The following NXN variants were observed in gnomAD, a reference collection of about 807,000 sequenced individuals.
The protein encoded by NXN is nucleoredoxin.
A neutral mutation model predicts 48.6 loss-of-function variants in NXN; 16 were observed. The observed-to-expected ratio is 0.33, with a 90% confidence interval of 0.22 to 0.50. The LOEUF (loss-of-function observed/expected upper bound fraction) is 0.50. NXN is among the 20% of genes least tolerant of loss of function. The probability of loss-of-function intolerance (pLI) is 0.98; values close to 1 mark genes in which losing one functional copy is unlikely to be tolerated. For synonymous variants in NXN, 281 were observed against 269.6 expected (o/e 1.04, Z -0.41); for missense variants, 492 against 605.5 (o/e 0.81, Z 1.97).
At chr17:944,917 A>G (rs2150609958) in intron 1 of NXN, among the ~76,000 whole-genome samples, 1 of 152,202 alleles carries the variant, frequency 6.6e-6, no homozygotes, top group East Asian at 1.9e-4. Context: ...ACACCTACGA[A>G]CTGTGAAACA....
rs1913031610 is a variant in NXN at position 825,195 on chromosome 17, C to T, written c.478+766G>A. ...ATCATGCCACAGCACTCGGCCTGGG[C>T]GACAGAGGGAGATAGTGTCTCAAGA... On this transcript the variant is annotated intron_variant, in intron 2 of 7. Transcript: ENST00000336868. The surrounding 1 kb of genome is among the most constrained non-coding windows in gnomAD (Gnocchi z 4.1). Among the ~76,000 whole-genome samples, 1 of 131,610 alleles carries T rather than the reference C, an allele frequency of 7.6e-6. No individual in the cohort carries two copies. Among genetic ancestry groups the T allele is most frequent in the South Asian group, 2.4e-4 (1 of 4,166 alleles). 86.3% of individuals were successfully genotyped at this position (131,610 alleles called of 152,430 possible).
At chr17:842,978 A>C (rs888084534) in intron 1 of NXN, among the ~76,000 whole-genome samples, 1 of 111,242 alleles carries the variant, frequency 9.0e-6, no homozygotes, top group Non-Finnish European at 1.9e-5. Context: ...GAAAGAGAGA[A>C]AGAGAGAAAG....
chr17:931,021 A>G lies in NXN; in HGVS notation c.360+48298T>C, dbSNP rs552258248. 5.3e-5 allele frequency among the ~76,000 whole-genome samples: 8 copies of G among 152,244 alleles called. No homozygotes were observed. The South Asian group carries it at 6.2e-4, about 12-fold the overall frequency. On this transcript the variant is annotated intron_variant, in intron 1 of 7. Transcript: ENST00000336868. The stretch of plus-strand genomic sequence containing the variant: ...CCTGACCTCATGATCCGCCCGACTC[A>G]GCCTCCCAAAGTGCCGGGATTACAG...
At chr17:803,834 A>G in intron 6 of NXN, 28 bp from the exon 7 acceptor site, 3 of 1,613,084 alleles carry the variant, frequency 1.9e-6, no homozygotes, top group Non-Finnish European at 2.5e-6. Flanking sequence ...GTAGAAAAAG[A>G]CGGGGAGAAA....
chr17:868,915 A>C (rs1217401142), intron 1 of NXN, among the ~76,000 whole-genome samples: 3 of 152,244 alleles, frequency 2.0e-5, no homozygotes, highest in African/African-American at 7.2e-5. Context: ...CCAGATGCAC[A>C]AAAAGGAAAC....
intron 7 of NXN, among the ~76,000 whole-genome samples, chr17:801,998 C>A (rs1330332837): frequency 1.3e-5 from 2 of 152,256 alleles, no homozygotes; most frequent in Non-Finnish European, 2.9e-5. Context: ...GAGAAAGAAG[C>A]TGGCACTTTA....
At chr17:870,345 C>T (rs952595492) in intron 1 of NXN, among the ~76,000 whole-genome samples, 2 of 152,094 alleles carry the variant, frequency 1.3e-5, no homozygotes, top group Non-Finnish European at 2.9e-5. Flanking sequence ...TTGAAGGTAC[C>T]GTGGGACGTG....
At chr17:933,702 C>G (rs1302782487) in intron 1 of NXN, among the ~76,000 whole-genome samples, 1 of 152,076 alleles carries the variant, frequency 6.6e-6, no homozygotes, top group Non-Finnish European at 1.5e-5. Flanking sequence ...AGAACACATT[C>G]AAGACACCTC....
chr17:834,404 A>G (rs1913669374), intron 1 of NXN, among the ~76,000 whole-genome samples: 1 of 152,174 alleles, frequency 6.6e-6, no homozygotes, highest in Non-Finnish European at 1.5e-5. Flanking sequence ...TCTAGAGATC[A>G]TCCTGGCAAC....
At chr17:863,008 C>T (rs945950939) in intron 1 of NXN, among the ~76,000 whole-genome samples, 4 of 152,230 alleles carry the variant, frequency 2.6e-5, no homozygotes, top group African/African-American at 9.6e-5. Context: ...TAAATATAAT[C>T]TATTTTCAAA....
intron 1 of NXN, among the ~76,000 whole-genome samples, chr17:940,656 C>CAA (rs2068962168): frequency 1.3e-5 from 2 of 151,548 alleles, no homozygotes; most frequent in Non-Finnish European, 1.5e-5. Flanking sequence ...GAACTCACAT[C>CAA]ACACCTTCCT....
At chr17:827,758 C>T (rs1028582872) in intron 1 of NXN, among the ~76,000 whole-genome samples, 2 of 152,220 alleles carry the variant, frequency 1.3e-5, no homozygotes, top group African/African-American at 4.8e-5. Flanking sequence ...TTGAGGGTCC[C>T]GGCAGGAAGG....
In NXN at chr17:882,838, C is replaced by T. The variant is rs372153661; in HGVS notation, c.361-56760G>A. Among the ~76,000 whole-genome samples the T allele has an allele frequency of 9.9e-5, 15 of 152,258 alleles. No homozygotes were observed. The East Asian group carries it at 2.7e-3, about 27-fold the overall frequency. The stretch of plus-strand genomic sequence containing the variant: ...AGTGCAGTGGCGCGATCTTGGCTTG[C>T]TGCAACCTCTGTCTCCCGGGTTCAA... On this transcript the variant is annotated intron_variant, in intron 1 of 7. Coordinates refer to ENST00000336868, the MANE Select transcript of NXN (RefSeq NM_022463.5).
chr17:863,854 G>T, intron 1 of NXN: 1 of 957,588 alleles, frequency 1.0e-6, no homozygotes, highest in Non-Finnish European at 1.6e-6. Context: ...AGGATCAACT[G>T]TCCTTCAGGG....
At chr17:907,175 G>A (rs556086031) in intron 1 of NXN, among the ~76,000 whole-genome samples, 15 of 152,050 alleles carry the variant, frequency 9.9e-5, no homozygotes, top group Admixed American at 5.2e-4. Context: ...AATTAGACTC[G>A]TAAACAAAGA....
At chr17:908,144 A>G (rs532324528) in intron 1 of NXN, 26 of 152,340 alleles carry the variant, frequency 1.7e-4, no homozygotes, top group African/African-American at 6.3e-4. Context: ...AGTGTTCCCC[A>G]GAGACGGCTC....
At chr17:846,790 G>T (rs1049149853) in intron 1 of NXN, among the ~76,000 whole-genome samples, 1 of 152,170 alleles carries the variant, frequency 6.6e-6, no homozygotes, top group Admixed American at 6.6e-5. Flanking sequence ...AGCTGGTACT[G>T]ATAACGCTTG....
At chr17:835,118 C>CTA (rs1567824220) in intron 1 of NXN, among the ~76,000 whole-genome samples, 1 of 151,222 alleles carries the variant, frequency 6.6e-6, no homozygotes, top group East Asian at 2.0e-4. Flanking sequence ...ACCATCCTGG[C>CTA]TAACATGGTG....
intron 1 of NXN, among the ~76,000 whole-genome samples, chr17:855,913 G>A (rs1052443527): frequency 4.6e-5 from 7 of 152,128 alleles, no homozygotes; most frequent in Non-Finnish European, 7.4e-5. Flanking sequence ...GTCCAATCTA[G>A]GCCGGGTGCC....
Sources: gnomAD v4.1 joint callset for allele counts (sites outside exome capture counted in the v4.1 genomes callset) on GRCh38, gnomAD v4.1.1 for gene constraint, Gnocchi (gnomAD v3.1) non-coding constraint, MANE v1.5 for transcripts, NCBI Gene and HGNC (gene_info 2026-07-23, HGNC 2026-07-21) for gene names.